HELQ: variants seen among roughly 807,000 people sequenced by gnomAD.
The protein encoded by HELQ is helicase, POLQ like, also known as helicase POLQ-like.
Under a neutral mutation model 111.6 loss-of-function variants are expected in HELQ, and 77 were observed. That is an observed-to-expected ratio of 0.69 (90% CI 0.57 to 0.83). The LOEUF (loss-of-function observed/expected upper bound fraction) is 0.83. Ranked by LOEUF, HELQ falls within the 40% of genes least tolerant of loss-of-function variation. The pLI is 0.00. For missense variants in HELQ, 1,200 were observed against 1,288.5 expected, an observed-to-expected ratio of 0.93 and a Z score of 1.05; for synonymous variants, 438 against 454.7, an observed-to-expected ratio of 0.96 and a Z score of 0.47.
intron 15 of HELQ, among the ~76,000 whole-genome samples, chr4:83,418,895 A>G (rs1190665995): frequency 6.6e-6 from 1 of 152,212 alleles, no homozygotes; most frequent in Non-Finnish European, 1.5e-5. Context: ...TCAATCCTGA[A>G]GCTGCCTTAG....
intron 9 of HELQ, among the ~76,000 whole-genome samples, chr4:83,434,581 G>A (rs574649511): frequency 6.6e-6 from 1 of 151,952 alleles, no homozygotes; most frequent in East Asian, 1.9e-4. Flanking sequence ...TCCCACCTCA[G>A]CCTCTCGAGC....
At chr4:83,417,638 T>C (rs1739435919) in intron 16 of HELQ, among the ~76,000 whole-genome samples, 1 of 152,136 alleles carries the variant, frequency 6.6e-6, no homozygotes, top group Non-Finnish European at 1.5e-5. Context: ...AAGTTGAGGG[T>C]TGGCTGAAAA....
At chr4:83,441,999 A>G (rs1001326828) in intron 6 of HELQ, among the ~76,000 whole-genome samples, 10 of 152,024 alleles carry the variant, frequency 6.6e-5, no homozygotes, top group African/African-American at 2.4e-4. Flanking sequence ...TCCTGGGCTC[A>G]AGCGATCCTC....
At chr4:83,421,519 C>T in intron 15 of HELQ, 44 bp downstream of exon 15, 1 of 1,480,452 alleles carries the variant, frequency 6.8e-7, no homozygotes, top group South Asian at 1.2e-5. Context: ...ACAGTTAAAA[C>T]CAGAAGATGC....
chr4:83,442,943 A>G (rs1720854865), intron 6 of HELQ, among the ~76,000 whole-genome samples: 1 of 152,162 alleles, frequency 6.6e-6, no homozygotes, highest in Non-Finnish European at 1.5e-5. Flanking sequence ...GGCACAAAAC[A>G]TACACACTAG....
chr4:83,446,806 A>G, intron 4 of HELQ, 29 bp downstream of exon 4: 3 of 1,364,962 alleles, frequency 2.2e-6, no homozygotes, highest in Non-Finnish European at 2.1e-6. Flanking sequence ...TAATAAAAAT[A>G]TTGACAAATT....
In HELQ at chr4:83,453,354, CAGAT is replaced by C; in HGVS notation, c.885_888del (p.Ser296ArgfsTer27). ...GTTTTCTTAGCAACATTAATTTCCT[CAGAT>C]AGGAGAGTGTCTTTGAGCTGTTTAC... On this transcript the variant is annotated frameshift_variant, in exon 2 of 18. Transcript: ENST00000295488. LOFTEE classifies it high-confidence loss of function. 1 of 1,612,884 alleles carries C rather than the reference CAGAT, an allele frequency of 6.2e-7. No individual in the cohort carries two copies. Among genetic ancestry groups the C allele is most frequent in the Non-Finnish European group, 8.5e-7 (1 of 1,179,658 alleles).
At chr4:83,414,376 G>C (rs964657575) in intron 17 of HELQ, among the ~76,000 whole-genome samples, 2 of 152,180 alleles carry the variant, frequency 1.3e-5, no homozygotes, top group Non-Finnish European at 2.9e-5. Context: ...GCTGTGGGGT[G>C]GGGGTGGACC....
intron 17 of HELQ, among the ~76,000 whole-genome samples, chr4:83,408,183 C>G (rs1443106388): frequency 1.3e-5 from 2 of 152,116 alleles, no homozygotes; most frequent in Non-Finnish European, 2.9e-5. Flanking sequence ...CAGAGAATAT[C>G]AAGAACCTCA....
rs771013372 is a variant in HELQ, at chr4:83,443,576, T to G, written c.1504A>C (p.Asn502His). ...AGAAACTTTTGTAGGTCTTCAACAT[T>G]GTTTAATGTTGCACTCATACCAATA... ...QIIGMSATLN[N>H]VEDLQKFLQA... is the part of the protein sequence containing the mutation. Residue 502 changes from asparagine (N) to histidine (H), a missense_variant, in exon 6 of 18, where the codon AAT becomes CAT. Physicochemically the swap from Asn to His is moderately conservative, Grantham distance 68. Coordinates refer to ENST00000295488, the MANE Select transcript of HELQ (RefSeq NM_133636.5). 6.3e-7 allele frequency: 1 copy of G among 1,590,482 alleles called. No homozygotes were observed. Among genetic ancestry groups the G allele is most frequent in the Non-Finnish European group, 8.6e-7 (1 of 1,161,602 alleles).
At chr4:83,420,806 C>T (rs910639612) in intron 15 of HELQ, among the ~76,000 whole-genome samples, 11 of 151,894 alleles carry the variant, frequency 7.2e-5, no homozygotes, top group Admixed American at 2.0e-4. Context: ...GGTGTGGTGG[C>T]ACATGTCTGT....
chr4:83,446,006 A>C lies in HELQ; in HGVS notation c.1465+8T>G, dbSNP rs560813069. On this transcript the variant is annotated splice_region_variant and intron_variant, in intron 5 of 17. Transcript: ENST00000295488. ...TCAATTCATGACCTCATTTGAAAAA[A>C]TACTTACTGCTAGTGTAGAGGATTT... The C allele has an allele frequency of 3.2e-6, 5 of 1,573,680 alleles. No homozygotes were observed. Among genetic ancestry groups the C allele is most frequent in the Non-Finnish European group, 4.4e-6 (5 of 1,144,232 alleles).
chr4:83,442,260 A>ACT (rs756670131), intron 6 of HELQ, among the ~76,000 whole-genome samples: 1 of 82,080 alleles, frequency 1.2e-5, no homozygotes, highest in Non-Finnish European at 2.2e-5. Context: ...AAAAACATCA[A>ACT]TTTTTTTTTT....
intron 9 of HELQ, among the ~76,000 whole-genome samples, chr4:83,436,311 T>G (rs912178079): frequency 2.0e-4 from 30 of 152,128 alleles, no homozygotes; most frequent in Non-Finnish European, 2.1e-4. Flanking sequence ...AAATACATAT[T>G]TTTTTAAACA....
intron 14 of HELQ, among the ~76,000 whole-genome samples, chr4:83,425,302 T>TG (rs1719788940): frequency 7.5e-6 from 1 of 133,652 alleles, no homozygotes; most frequent in Non-Finnish European, 1.6e-5. Flanking sequence ...AAAAAAGGTG[T>TG]GGGGGAAAAT....
intron 2 of HELQ, among the ~76,000 whole-genome samples, chr4:83,452,594 G>C (rs1051548146): frequency 2.6e-5 from 4 of 152,234 alleles, no homozygotes; most frequent in Non-Finnish European, 5.9e-5. Context: ...TTTTGGTAGA[G>C]AAGACAGAGC....
At chr4:83,428,329 A>G (rs1397717730) in intron 12 of HELQ, among the ~76,000 whole-genome samples, 2 of 151,826 alleles carry the variant, frequency 1.3e-5, no homozygotes, top group Non-Finnish European at 2.9e-5. Flanking sequence ...TTTTTTAACA[A>G]CAGACATGTA....
chr4:83,428,782 T>C (rs568037555), intron 12 of HELQ, among the ~76,000 whole-genome samples: 7 of 151,820 alleles, frequency 4.6e-5, no homozygotes, highest in Admixed American at 3.9e-4. Context: ...CCTCCATATT[T>C]AAAAAAAGAA....
intron 13 of HELQ, among the ~76,000 whole-genome samples, chr4:83,426,711 G>A (rs1292380577): frequency 6.6e-6 from 1 of 151,934 alleles, no homozygotes; most frequent in Non-Finnish European, 1.5e-5. Flanking sequence ...CTACTGGTGT[G>A]CGCCACCATG....
Sources: allele counts gnomAD v4.1 joint callset (sites outside exome capture counted in the v4.1 genomes callset), GRCh38; gene constraint gnomAD v4.1.1; transcripts MANE v1.5; gene names NCBI Gene and HGNC (gene_info 2026-07-23, HGNC 2026-07-21).